FER1L6: variants seen among roughly 807,000 people sequenced by gnomAD.
FER1L6 encodes fer-1 like family member 6.
A neutral mutation model predicts 219.2 loss-of-function variants in FER1L6; 177 were observed. The observed-to-expected ratio is 0.81, with a 90% CI of 0.71 to 0.91. The LOEUF (loss-of-function observed/expected upper bound fraction) is 0.91, where lower values mean the gene tolerates loss of function less well. FER1L6 is among the 40% of genes least tolerant of loss of function. The pLI is 0.00. For synonymous variants in FER1L6, 768 were observed against 824.3 expected (o/e 0.93, Z 1.17); for missense variants, 2,153 against 2,259.9 (o/e 0.95, Z 0.96).
At chr8:123,858,808 G>A (rs909559412) in intron 1 of FER1L6, among the ~76,000 whole-genome samples, 1 of 152,186 alleles carries the variant, frequency 6.6e-6, no homozygotes, top group African/African-American at 2.4e-5. Flanking sequence ...GTTTAGGATA[G>A]TGGAAAGCCA....
At chr8:124,119,561 G>A in intron 40 of FER1L6, 46 bp from the exon 41 acceptor site, 4 of 1,284,448 alleles carry the variant, frequency 3.1e-6, no homozygotes, top group East Asian at 2.3e-5. Context: ...CATTCTGAGT[G>A]TTGACAGGAT....
At chr8:123,985,255 T>C (rs1406168751) in intron 11 of FER1L6, 1 of 152,104 alleles carries the variant, frequency 6.6e-6, no homozygotes, top group East Asian at 1.9e-4. Context: ...GAGGTTGGAG[T>C]AGATGAACTC....
At chr8:123,875,032 TA>T (rs1816983092) in intron 1 of FER1L6, among the ~76,000 whole-genome samples, 1 of 151,904 alleles carries the variant, frequency 6.6e-6, no homozygotes, top group African/African-American at 2.4e-5. Flanking sequence ...CCGTCTCCAC[TA>T]AAAATACAAA....
chr8:123,940,285 C>T (rs1257290082), intron 1 of FER1L6, among the ~76,000 whole-genome samples: 1 of 152,024 alleles, frequency 6.6e-6, no homozygotes, highest in Non-Finnish European at 1.5e-5. Context: ...TATCTGGATC[C>T]TGTGTAGCAG....
intron 7 of FER1L6, 22 bp downstream of exon 7, chr8:123,973,534 A>G: frequency 1.3e-6 from 2 of 1,579,710 alleles, no homozygotes; most frequent in Non-Finnish European, 1.7e-6. Flanking sequence ...TCACCTCCCC[A>G]TCTGTATCTC....
chr8:123,890,764 G>A (rs1478630652), intron 1 of FER1L6, among the ~76,000 whole-genome samples: 3 of 146,394 alleles, frequency 2.0e-5, no homozygotes, highest in East Asian at 4.0e-4. Context: ...TTTATTAATT[G>A]ATAACTAATA....
chr8:124,102,994 C>A (rs1822608114), intron 38 of FER1L6, 152 bp from the exon 39 acceptor site: 2 of 732,930 alleles, frequency 2.7e-6, no homozygotes, highest in Non-Finnish European at 4.5e-6. Flanking sequence ...TATTTGTACT[C>A]CCAATACCTA....
Position 123,898,846 on chromosome 8 carries a change from T to TACAC in FER1L6, c.-8+46662_-8+46663insCACA, listed in dbSNP as rs200448205. ...GTGTATATATATATATACATACATA[T>TACAC]ATACACACACACACACACACACATA... On this transcript the variant is annotated intron_variant, in intron 1 of 40. Coordinates refer to ENST00000522917, the MANE Select transcript of FER1L6 (RefSeq NM_001039112.2). Among the ~76,000 whole-genome samples, 1,215 of 126,788 alleles carry TACAC rather than the reference T, an allele frequency of 9.6e-3. 26 individuals carry two copies. Among genetic ancestry groups the TACAC allele is most frequent in the African/African-American group, 0.033 (1,177 of 35,874 alleles). 83.2% of individuals were successfully genotyped at this position (126,788 alleles called of 152,430 possible).
rs759079094 is a variant in FER1L6, at chr8:124,066,486, A to C, written c.3614A>C (p.Glu1205Ala). The change falls in exon 27 of 41, where the codon GAA becomes GCA. Residue 1205 changes from glutamate (E) to alanine (A), a missense_variant. Glu to Ala is a moderately radical substitution (Grantham distance 107). Transcript: ENST00000522917. The stretch of plus-strand genomic sequence containing the variant: ...AGGAGAAAGAGGACCATAGCAGATG[A>C]ATCTGCTGAAAACGTGATTGACTGG... ...TKRRKRTIAD[E>A]SAENVIDWWS... 1 of 1,613,646 alleles carries C rather than the reference A, an allele frequency of 6.2e-7. No homozygotes were observed. The highest frequency in any genetic ancestry group is 1.7e-5 in the Admixed American group (1 of 60,016).
chr8:123,926,127 G>T (rs1388975766), intron 1 of FER1L6, among the ~76,000 whole-genome samples: 8 of 152,198 alleles, frequency 5.3e-5, no homozygotes, highest in Non-Finnish European at 8.8e-5. Flanking sequence ...AATGGGACTA[G>T]ATATTCAAAT....
intron 32 of FER1L6, among the ~76,000 whole-genome samples, chr8:124,080,328 T>A (rs1821485092): frequency 6.6e-6 from 1 of 152,120 alleles, no homozygotes; most frequent in Admixed American, 6.5e-5. Context: ...TGGTAACTTT[T>A]TTTTTCAAGA....
chr8:124,049,116 C>T (rs964105547), intron 21 of FER1L6, among the ~76,000 whole-genome samples: 6 of 151,700 alleles, frequency 4.0e-5, no homozygotes, highest in African/African-American at 1.2e-4. Context: ...GGTGCGATCT[C>T]GGCTTACTGC....
chr8:123,925,996 G>T (rs1813550136), intron 1 of FER1L6: 1 of 152,176 alleles, frequency 6.6e-6, no homozygotes, highest in Non-Finnish European at 1.5e-5. Flanking sequence ...AACCAGCCCT[G>T]CTCACTTCTT....
chr8:124,058,712 T>C (rs918631742), intron 22 of FER1L6: 4 of 152,188 alleles, frequency 2.6e-5, no homozygotes, highest in African/African-American at 9.7e-5. Context: ...CACAGCTGTT[T>C]CGTGGCTTTC....
chr8:123,984,516 C>A (rs1472841399), intron 11 of FER1L6: 1 of 152,194 alleles, frequency 6.6e-6, no homozygotes, highest in Admixed American at 6.5e-5. Context: ...GTAGCTGACA[C>A]TACAGGCCAC....
chr8:123,908,804 T>C (rs964165686), intron 1 of FER1L6, among the ~76,000 whole-genome samples: 16 of 152,174 alleles, frequency 1.1e-4, no homozygotes, highest in Admixed American at 2.0e-4. Flanking sequence ...GGAATCAATA[T>C]AGACTCTATG....
At chr8:124,103,409 A>G in intron 39 of FER1L6, 100 bp downstream of exon 39, 1 of 1,196,108 alleles carries the variant, frequency 8.4e-7, no homozygotes, top group Non-Finnish European at 1.2e-6. Flanking sequence ...ATGCCTTGAA[A>G]TGACATGAAC....
At chr8:124,077,860 C>G (rs144037952) in intron 32 of FER1L6, among the ~76,000 whole-genome samples, 137 of 152,300 alleles carry the variant, frequency 9.0e-4, no homozygotes, top group African/African-American at 3.1e-3. Context: ...CCACAATGTT[C>G]CAGCAGGAAG....
chr8:123,904,953 T>C lies in FER1L6; in HGVS notation c.-7-51039T>C, dbSNP rs528630273. On this transcript the variant is annotated intron_variant, in intron 1 of 40. Coordinates refer to ENST00000522917, the MANE Select transcript of FER1L6 (RefSeq NM_001039112.2). ...GGTGGGAATATTTACACCATGGAAA[T>C]TGGCAAATGCTACAACTCAGGACTT... 5.9e-5 allele frequency among the ~76,000 whole-genome samples: 9 copies of C among 152,290 alleles called. No individual in the cohort carries two copies. The South Asian group carries it at 1.2e-3, about 21-fold the overall frequency.
Sources: gnomAD v4.1 joint callset for allele counts (sites outside exome capture counted in the v4.1 genomes callset) on GRCh38, gnomAD v4.1.1 for gene constraint, MANE v1.5 for transcripts, NCBI Gene and HGNC (gene_info 2026-07-23, HGNC 2026-07-21) for gene names.